The following ABHD12 variants were observed in gnomAD, a reference collection of about 807,000 sequenced individuals.
The protein encoded by ABHD12 is abhydrolase domain containing 12, lysophospholipase.
ABHD12 carries 43 observed loss-of-function variants against 58.3 expected under a neutral mutation model. The observed-to-expected ratio is 0.74, with a 90% CI of 0.58 to 0.95. ABHD12 has a LOEUF of 0.95. ABHD12 is among the 40% of genes least tolerant of loss of function. ABHD12 has a pLI of 0.00. For missense variants in ABHD12, 539 were observed against 537.2 expected (o/e 1.00, Z -0.03); for synonymous variants, 219 against 211.2 (o/e 1.04, Z -0.32).
At chr20:25,362,041 G>A (rs970470428) in intron 1 of ABHD12, among the ~76,000 whole-genome samples, 17 of 152,014 alleles carry the variant, frequency 1.1e-4, no homozygotes, top group South Asian at 2.1e-4. Flanking sequence ...TTTGGAGATC[G>A]AGGCGGGTGG....
intron 7 of ABHD12, among the ~76,000 whole-genome samples, chr20:25,308,736 T>G (rs1174132428): frequency 6.6e-6 from 1 of 152,186 alleles, no homozygotes; most frequent in Non-Finnish European, 1.5e-5. Context: ...AGGTGTGTCC[T>G]GCTGCCTCTC....
chr20:25,367,343 T>C (rs1416213531), intron 1 of ABHD12, among the ~76,000 whole-genome samples: 1 of 152,084 alleles, frequency 6.6e-6, no homozygotes, highest in African/African-American at 2.4e-5. Context: ...AAAGGGGAAA[T>C]GGGGGGCAGA....
chr20:25,344,554 T>C (rs756409615), intron 1 of ABHD12, among the ~76,000 whole-genome samples: 3 of 152,206 alleles, frequency 2.0e-5, no homozygotes, highest in Non-Finnish European at 4.4e-5. Flanking sequence ...TCCATCTTCA[T>C]GGACAGGAAG....
At chr20:25,313,424 T>C (rs1304729009) in intron 6 of ABHD12, among the ~76,000 whole-genome samples, 1 of 151,832 alleles carries the variant, frequency 6.6e-6, no homozygotes, top group African/African-American at 2.4e-5. Flanking sequence ...TAATCTCAAG[T>C]ACCCAGGGAC....
At chr20:25,330,202 A>T (rs2089246721) in intron 2 of ABHD12, among the ~76,000 whole-genome samples, 2 of 152,260 alleles carry the variant, frequency 1.3e-5, no homozygotes, top group Non-Finnish European at 2.9e-5. Context: ...AAGTGGTGAC[A>T]GACGGCACCT....
chr20:25,303,542 G>A lies in ABHD12; in HGVS notation c.1029+8C>T, dbSNP rs566681559. 22 of 1,613,292 alleles carry A rather than the reference G, an allele frequency of 1.4e-5. No individual in the cohort carries two copies. The African/African-American group carries it at 2.8e-4, about 21-fold the overall frequency. ...CCAGCTACACCAGAGGCAGAGGCCA[G>A]GACCCACCTTTCTGCCAAGCTGGAA... On this transcript the variant is annotated splice_region_variant and intron_variant, in intron 11 of 12. Coordinates refer to ENST00000339157, the MANE Select transcript of ABHD12 (RefSeq NM_001042472.3).
intron 2 of ABHD12, 37 bp from the exon 3 acceptor site, chr20:25,323,467 G>T: frequency 2.3e-6 from 3 of 1,308,272 alleles, no homozygotes; most frequent in Non-Finnish European, 2.2e-6. Flanking sequence ...AGGATTACTG[G>T]TGGATGAATA....
intron 1 of ABHD12, among the ~76,000 whole-genome samples, chr20:25,367,879 A>C (rs1026576789): frequency 1.3e-5 from 2 of 152,220 alleles, no homozygotes; most frequent in Non-Finnish European, 2.9e-5. Context: ...AATGGCTCTT[A>C]GAGACCCTGT....
intron 1 of ABHD12, among the ~76,000 whole-genome samples, chr20:25,370,777 T>C (rs2089890379): frequency 6.6e-6 from 1 of 152,112 alleles, no homozygotes; most frequent in Admixed American, 6.6e-5. Flanking sequence ...GTAAAGCGCT[T>C]AAGGAAACGG....
Position 25,343,793 on chromosome 20 carries a change from T to C in ABHD12, c.192-4442A>G, listed in dbSNP as rs146537546. On this transcript the variant is annotated intron_variant, in intron 1 of 12. Transcript: ENST00000339157. ...CTGAGCAACAAAGGAAGACTCTGTG[T>C]CAAAAAATAAAATTAATTAAAAAAT... Among the ~76,000 whole-genome samples, 6 of 152,192 alleles carry C rather than the reference T, an allele frequency of 3.9e-5. No individual in the cohort carries two copies. In the East Asian group the frequency reaches 1.2e-3, roughly 29 times the overall value.
At chr20:25,366,698 A>G (rs942635786) in intron 1 of ABHD12, among the ~76,000 whole-genome samples, 6 of 152,220 alleles carry the variant, frequency 3.9e-5, no homozygotes, top group Non-Finnish European at 7.3e-5. Flanking sequence ...AGAGTAAGAT[A>G]TGGATCCAGA....
chr20:25,327,197 G>A (rs565896183), intron 2 of ABHD12, among the ~76,000 whole-genome samples: 1 of 152,330 alleles, frequency 6.6e-6, no homozygotes, highest in East Asian at 1.9e-4. Flanking sequence ...TGCCAGGCGC[G>A]GTGGCGCATG....
rs1354263720 is a variant in ABHD12, at chr20:25,390,772, C to T, written c.-69G>A. The T allele has an allele frequency of 3.8e-6, 4 of 1,063,800 alleles. No homozygotes were observed. Among genetic ancestry groups the T allele is most frequent in the East Asian group, 3.8e-5 (1 of 26,566 alleles). 65.9% of individuals were successfully genotyped at this position (1,063,800 alleles called of 1,614,324 possible). A position where few individuals can be genotyped will look rare whatever the true frequency, so the allele number is the denominator to read the frequency against. ...GCGCCGCAGTGCCGCCGCTCACAGCCGCCGCCACCCAGAGCCCGGAGCCCG... is the reference window on the plus strand; with the variant it reads ...GCGCCGCAGTGCCGCCGCTCACAGCTGCCGCCACCCAGAGCCCGGAGCCCG... On this transcript the variant is annotated 5_prime_UTR_variant, in exon 1 of 13. Transcript: ENST00000339157.
chr20:25,319,551 C>T lies in ABHD12; in HGVS notation c.542+648G>A, dbSNP rs539092293. Among the ~76,000 whole-genome samples, 17 of 152,284 alleles carry T rather than the reference C, an allele frequency of 1.1e-4. No homozygotes were observed. The East Asian group carries it at 1.9e-3, about 17-fold the overall frequency. ...ACCTCCTCCAGGGCTGCCCTGGCTC[C>T]GGCTTCACCTGTCTGCCACCTGGAG... On this transcript the variant is annotated intron_variant, in intron 4 of 12. Coordinates refer to ENST00000339157, the MANE Select transcript of ABHD12 (RefSeq NM_001042472.3).
intron 1 of ABHD12, among the ~76,000 whole-genome samples, chr20:25,362,086 C>G (rs2089757146): frequency 2.0e-5 from 3 of 151,332 alleles, no homozygotes; most frequent in Non-Finnish European, 4.4e-5. Flanking sequence ...ACTAGCCTGG[C>G]CAACATGGTG....
chr20:25,364,339 A>C (rs1182063081), intron 1 of ABHD12, among the ~76,000 whole-genome samples: 3 of 152,244 alleles, frequency 2.0e-5, no homozygotes, highest in Non-Finnish European at 4.4e-5. Context: ...TTTGGCTCAC[A>C]GTTCTGCAGG....
rs544244615 is a variant in ABHD12, at chr20:25,386,403, C to A, written c.191+4110G>T. On this transcript the variant is annotated intron_variant, in intron 1 of 12. Transcript: ENST00000339157. ...CCTCCTGAGTAGCTGGGACTACAGGCGCCCGCCACCACGCCTGGCTAATTT... is the reference window on the plus strand; with the variant it reads ...CCTCCTGAGTAGCTGGGACTACAGGAGCCCGCCACCACGCCTGGCTAATTT... 4.0e-5 allele frequency among the ~76,000 whole-genome samples: 6 copies of A among 150,810 alleles called. No individual in the cohort carries two copies. In the South Asian group the frequency reaches 6.3e-4, roughly 16 times the overall value.
chr20:25,320,407 A>C (rs2089044901), intron 3 of ABHD12, 89 bp from the exon 4 acceptor site: 1,098 of 1,564,416 alleles, frequency 7.0e-4, no homozygotes, highest in Non-Finnish European at 8.6e-4. Context: ...TAATCAGCTC[A>C]AGTCCAGACA....
chr20:25,319,832 G>A (rs1192874462), intron 4 of ABHD12, among the ~76,000 whole-genome samples: 3 of 152,176 alleles, frequency 2.0e-5, no homozygotes, highest in East Asian at 1.9e-4. Flanking sequence ...CCCTCTGGCT[G>A]GGGAGCTCAG....
Sources: allele counts gnomAD v4.1 joint callset (sites outside exome capture counted in the v4.1 genomes callset), GRCh38; gene constraint gnomAD v4.1.1; transcripts MANE v1.5; gene names NCBI Gene and HGNC (gene_info 2026-07-23, HGNC 2026-07-21).